Variants in MIER1 observed in about 807,000 individuals in gnomAD.
MIER1 encodes MIER1 transcriptional regulator.
In MIER1, 40 loss-of-function variants were observed where a neutral mutation model predicts 75.7. The ratio of observed to expected loss-of-function variants is 0.53; its 90% CI spans 0.41 to 0.69. The LOEUF is 0.69. MIER1 is among the 30% of genes least tolerant of loss of function. The probability of loss-of-function intolerance (pLI) is 0.00; values close to 1 mark genes in which losing one functional copy is unlikely to be tolerated. For missense variants in MIER1, 574 were observed against 680.2 expected, an observed-to-expected ratio of 0.84 and a Z score of 1.74; for synonymous variants, 213 against 223.4, an observed-to-expected ratio of 0.95 and a Z score of 0.42.
Position 66,986,544 on chromosome 1 carries a change from T to C in MIER1, c.*1644T>C. ...TGAGTGAAGGTTTGCACTGAGAAATTAGCATTCAGGCCTTACCCCCATGAA... is the reference window on the plus strand; with the variant it reads ...TGAGTGAAGGTTTGCACTGAGAAATCAGCATTCAGGCCTTACCCCCATGAA... On this transcript the variant is annotated 3_prime_UTR_variant, in exon 14 of 14. Transcript: ENST00000401041. 1 of 1,167,938 alleles carries C rather than the reference T, an allele frequency of 8.6e-7. No homozygotes were observed. The highest frequency in any genetic ancestry group is 1.9e-4 in the Middle Eastern group (1 of 5,210). 72.3% of individuals were successfully genotyped at this position (1,167,938 alleles called of 1,614,324 possible). A position where few individuals can be genotyped will look rare whatever the true frequency, so the allele number is the denominator to read the frequency against.
rs1666971854 is a variant in MIER1, at chr1:66,987,825, G to C, written c.*2925G>C. 1 of 151,990 alleles carries C rather than the reference G, an allele frequency of 6.6e-6. No individual in the cohort carries two copies. Among genetic ancestry groups the C allele is most frequent in the Non-Finnish European group, 1.5e-5 (1 of 67,946 alleles). The allele number at this position is 151,990 out of a possible 1,614,324, so 9.4% of individuals were successfully genotyped here. On this transcript the variant is annotated 3_prime_UTR_variant, in exon 14 of 14. Coordinates refer to ENST00000401041, the MANE Select transcript of MIER1 (RefSeq NM_001077700.3). ...GACATATTGCACTACTTTTTCAGTG[G>C]TTCTTGGTCCCCTTTACCACATCTT...
At chr1:66,925,128 T>A (rs1651178761) in intron 1 of MIER1, 33 bp downstream of exon 1, 1 of 1,540,536 alleles carries the variant, frequency 6.5e-7, no homozygotes, top group Non-Finnish European at 8.7e-7. Context: ...ATCTCTCCCC[T>A]TCTATTCCAG....
intron 11 of MIER1, among the ~76,000 whole-genome samples, chr1:66,974,425 G>GTT (rs560980878): frequency 5.8e-4 from 87 of 148,812 alleles, no homozygotes; most frequent in African/African-American, 2.1e-3. Flanking sequence ...TTTGGATGAG[G>GTT]TTTTTTTTTT....
At position 66,958,227 on chromosome 1, in the gene MIER1, C is replaced by CTAT. The variant is rs1285119804; in HGVS notation, c.501+8_501+10dup. 3 of 1,586,272 alleles carry CTAT rather than the reference C, an allele frequency of 1.9e-6. No individual in the cohort carries two copies. The highest frequency in any genetic ancestry group is 2.2e-5 in the South Asian group (2 of 88,954). On this transcript the variant is annotated splice_region_variant and intron_variant, in intron 5 of 13. Transcript: ENST00000401041. The stretch of plus-strand genomic sequence containing the variant: ...CTGTAGTGGGGAAAATAAAGTAAGT[C>CTAT]TATATACATATATTTAAGATTGTAG...
intron 2 of MIER1, among the ~76,000 whole-genome samples, chr1:66,937,615 C>T (rs1655226571): frequency 6.6e-6 from 1 of 152,052 alleles, no homozygotes; most frequent in Non-Finnish European, 1.5e-5. Flanking sequence ...AAATGTGTAG[C>T]ACTATATGAA....
intron 11 of MIER1, among the ~76,000 whole-genome samples, chr1:66,973,931 C>T (rs1276721745): frequency 2.0e-5 from 3 of 152,068 alleles, no homozygotes; most frequent in African/African-American, 4.8e-5. Flanking sequence ...TCTGAATAGT[C>T]TTCTGCCACA....
At chr1:66,935,447 C>T (rs1002897366) in intron 2 of MIER1, among the ~76,000 whole-genome samples, 1 of 152,012 alleles carries the variant, frequency 6.6e-6, no homozygotes, top group Non-Finnish European at 1.5e-5. Flanking sequence ...TAAATATGTA[C>T]CCCCTAAAAC....
At position 66,984,646 on chromosome 1, in the gene MIER1, C is replaced by G. The variant is rs1666528738; in HGVS notation, c.1444C>G (p.Pro482Ala). 1.2e-6 allele frequency: 2 copies of G among 1,613,648 alleles called. No individual in the cohort carries two copies. The highest frequency in any genetic ancestry group is 4.5e-5 in the East Asian group (2 of 44,832). Reference protein sequence around the residue: ...VKVEGLHINGPTGGNKKPLHA... With the variant: ...VKVEGLHINGATGGNKKPLHA... ...AGTTGAAGGGTTACACATTAATGGA[C>G]CAACAGGTGGAAATAAGAAACCACT... Residue 482 changes from proline (P) to alanine (A), a missense_variant, in exon 14 of 14, where the codon CCA (proline) becomes GCA (alanine). Pro to Ala is a conservative substitution (Grantham distance 27, BLOSUM62 -1). This residue lies in a region of MIER1 where 164 missense variants were observed against 154.3 expected (regional missense o/e 1.06). Transcript: ENST00000401041.
intron 2 of MIER1, among the ~76,000 whole-genome samples, chr1:66,929,897 A>G (rs542737508): frequency 6.6e-6 from 1 of 152,348 alleles, no homozygotes; most frequent in South Asian, 2.1e-4. Context: ...TTTTCAGCAA[A>G]TGCATTTCAA....
At chr1:66,961,011 TGAAA>T (rs998159337) in intron 7 of MIER1, among the ~76,000 whole-genome samples, 9 of 152,198 alleles carry the variant, frequency 5.9e-5, no homozygotes, top group East Asian at 1.9e-4. Flanking sequence ...TTTTTTTAAA[TGAAA>T]GAACAAAAGC....
chr1:66,930,480 G>A (rs996637167), intron 2 of MIER1: 12 of 1,435,982 alleles, frequency 8.4e-6, no homozygotes, highest in Non-Finnish European at 1.0e-5. Flanking sequence ...AGTGGGCCTG[G>A]CCAGGAGAGG....
chr1:66,975,951 C>A (rs1664617688), intron 11 of MIER1, among the ~76,000 whole-genome samples: 1 of 151,936 alleles, frequency 6.6e-6, no homozygotes, highest in African/African-American at 2.4e-5. Context: ...CTGTTTATAA[C>A]ATTTATTTTA....
chr1:66,928,886 G>T, intron 2 of MIER1: 1 of 1,594,524 alleles, frequency 6.3e-7, no homozygotes. Context: ...TTTTCTTTCA[G>T]TAGAAAATGT....
chr1:66,947,079 T>C, intron 4 of MIER1: 1 of 908,624 alleles, frequency 1.1e-6, no homozygotes, highest in African/African-American at 1.8e-5. Context: ...GTACTTATTT[T>C]AAAAAGCAGA....
Position 66,985,830 on chromosome 1 carries a change from TTTTTTTTA to T in MIER1, c.*931_*938del. On this transcript the variant is annotated 3_prime_UTR_variant, in exon 14 of 14. Transcript: ENST00000401041. Reference sequence around the variant, plus strand: ...GATTATAAAATTTTTTTTTTTTTTTTTTTTTTTAAATTTCTACTTAAGGGCAAGTAATT... The same window carrying T: ...GATTATAAAATTTTTTTTTTTTTTTTAATTTCTACTTAAGGGCAAGTAATT... The T allele has an allele frequency of 1.2e-6, 1 of 858,312 alleles. No individual in the cohort carries two copies. Among genetic ancestry groups the T allele is most frequent in the Non-Finnish European group, 1.4e-6 (1 of 715,414 alleles). The allele number at this position is 858,312 out of a possible 1,614,324, so 53.2% of individuals were successfully genotyped here. A position where few individuals can be genotyped will look rare whatever the true frequency, so the allele number is the denominator to read the frequency against.
intron 11 of MIER1, among the ~76,000 whole-genome samples, 174 bp downstream of exon 11, chr1:66,973,165 T>C (rs1049719827): frequency 2.0e-4 from 31 of 152,106 alleles, no homozygotes; most frequent in Non-Finnish European, 1.5e-5. Flanking sequence ...TAACCTATAA[T>C]TACCTGTTGG....
At chr1:66,951,414 C>A (rs927692603) in intron 4 of MIER1, among the ~76,000 whole-genome samples, 14 of 152,236 alleles carry the variant, frequency 9.2e-5, no homozygotes, top group African/African-American at 3.1e-4. Context: ...TAGGCGTGAG[C>A]CACTGAGTCT....
At chr1:66,968,852 C>T (rs773481899) in intron 8 of MIER1, among the ~76,000 whole-genome samples, 2 of 152,096 alleles carry the variant, frequency 1.3e-5, no homozygotes, top group African/African-American at 2.4e-5. Context: ...GTAAGTAGGT[C>T]GATCCTTGCC....
chr1:66,973,050 C>A (rs1316366015), intron 11 of MIER1, 59 bp downstream of exon 11: 3 of 872,436 alleles, frequency 3.4e-6, no homozygotes, highest in South Asian at 2.9e-5. Flanking sequence ...CTCAAATGGT[C>A]ATGTATCGTA....
Sources: gnomAD v4.1 joint callset for allele counts (sites outside exome capture counted in the v4.1 genomes callset) on GRCh38, gnomAD v4.1.1 for gene constraint, gnomAD v4.1.1 regional missense constraint, MANE v1.5 for transcripts, NCBI Gene and HGNC (gene_info 2026-07-23, HGNC 2026-07-21) for gene names.